The following AFF3 variants were observed in gnomAD, a reference collection of about 807,000 sequenced individuals.
The protein encoded by AFF3 is ALF transcription elongation factor 3.
AFF3 carries 32 observed loss-of-function variants against 129.7 expected under a neutral mutation model. That is an observed-to-expected ratio of 0.25 (90% CI 0.19 to 0.33). The LOEUF is 0.33. AFF3 is among the 10% of genes least tolerant of loss of function. The pLI, the probability that AFF3 is intolerant of heterozygous loss-of-function variation, is 1.00. For synonymous variants in AFF3, 644 were observed against 635.4 expected, an observed-to-expected ratio of 1.01 and a Z score of -0.20; for missense variants, 1,373 against 1,592.0, an observed-to-expected ratio of 0.86 and a Z score of 2.34.
chr2:100,027,101 GA>G (rs890903493), intron 4 of AFF3, among the ~76,000 whole-genome samples: 4 of 151,870 alleles, frequency 2.6e-5, no homozygotes, highest in Non-Finnish European at 2.9e-5. Context: ...AATAAACAGA[GA>G]AAAAAAGTGA....
intron 11 of AFF3, among the ~76,000 whole-genome samples, chr2:99,705,743 G>A (rs956513642): frequency 2.6e-5 from 4 of 151,660 alleles, no homozygotes; most frequent in African/African-American, 9.7e-5. Flanking sequence ...GCATGGTGAC[G>A]GGCACCTGTA....
intron 7 of AFF3, among the ~76,000 whole-genome samples, chr2:99,879,213 C>G (rs1692515955): frequency 6.6e-6 from 1 of 152,200 alleles, no homozygotes; most frequent in Non-Finnish European, 1.5e-5. Context: ...TCAGTGACGT[C>G]CCTACACAGT....
At chr2:99,613,288 C>G (rs1046706366) in intron 13 of AFF3, among the ~76,000 whole-genome samples, 7 of 152,028 alleles carry the variant, frequency 4.6e-5, no homozygotes, top group African/African-American at 1.7e-4. Context: ...TCATAGTGTT[C>G]TGGGAAACGT....
chr2:100,072,339 A>T (rs888520627), intron 4 of AFF3, among the ~76,000 whole-genome samples: 2 of 152,248 alleles, frequency 1.3e-5, no homozygotes, highest in Admixed American at 1.3e-4. Context: ...ATGCCTGAGG[A>T]TATGAGGTGG....
At chr2:99,989,301 A>T (rs376831155) in intron 7 of AFF3, among the ~76,000 whole-genome samples, 23 of 152,364 alleles carry the variant, frequency 1.5e-4, no homozygotes, top group African/African-American at 5.5e-4. Flanking sequence ...AGAAGAAGTC[A>T]TCTGAATAAA....
chr2:99,725,347 CTTT>C (rs2104985278), intron 11 of AFF3, among the ~76,000 whole-genome samples: 1 of 151,948 alleles, frequency 6.6e-6, no homozygotes, highest in East Asian at 1.9e-4. Context: ...AGGCAATAAA[CTTT>C]TTATTTTTTT....
At chr2:100,035,296 T>C (rs1295080171) in intron 4 of AFF3, among the ~76,000 whole-genome samples, 1 of 152,214 alleles carries the variant, frequency 6.6e-6, no homozygotes, top group Non-Finnish European at 1.5e-5. Flanking sequence ...GAGCCTTTTA[T>C]TATGCTAAAG....
intron 4 of AFF3, 24 bp downstream of exon 4, chr2:100,104,378 G>C: frequency 9.5e-7 from 1 of 1,056,254 alleles, no homozygotes; most frequent in Non-Finnish European, 1.2e-6. Context: ...CCGCCCGCCC[G>C]AAGCGGCCGG....
intron 8 of AFF3, among the ~76,000 whole-genome samples, chr2:99,786,707 A>T (rs1558849733): frequency 6.6e-6 from 1 of 152,212 alleles, no homozygotes; most frequent in African/African-American, 2.4e-5. Flanking sequence ...CTATAACTTC[A>T]AACTAATCCT....
intron 4 of AFF3, among the ~76,000 whole-genome samples, chr2:100,062,108 A>C (rs1187657797): frequency 6.6e-6 from 1 of 152,226 alleles, no homozygotes; most frequent in Non-Finnish European, 1.5e-5. Context: ...GACCAAGGTC[A>C]TCCTGCCCAA....
Position 99,550,734 on chromosome 2 carries a change from T to C in AFF3, c.*740A>G, listed in dbSNP as rs1288627696. The C allele has an allele frequency of 4.3e-6, 1 of 233,106 alleles. No homozygotes were observed. The highest frequency in any genetic ancestry group is 8.5e-6 in the Non-Finnish European group (1 of 118,088). 14.4% of individuals were successfully genotyped at this position (233,106 alleles called of 1,614,324 possible). A position where few individuals can be genotyped will look rare whatever the true frequency, so the allele number is the denominator to read the frequency against. Reference sequence around the variant, plus strand: ...ACGCCGCGTTTTTGCTAAATCTCAGTGCCATTTGCATACTACTTGGAGGTG... The same window carrying C: ...ACGCCGCGTTTTTGCTAAATCTCAGCGCCATTTGCATACTACTTGGAGGTG... On this transcript the variant is annotated 3_prime_UTR_variant, in exon 25 of 25. Coordinates refer to ENST00000672756, the MANE Select transcript of AFF3 (RefSeq NM_001386135.1).
chr2:99,697,392 C>G (rs76588670), intron 11 of AFF3, among the ~76,000 whole-genome samples: 2,940 of 152,256 alleles, frequency 0.019, 52 homozygotes, highest in Non-Finnish European at 0.034. Flanking sequence ...TTGTAGATAT[C>G]TTACTTTGAA....
intron 4 of AFF3, among the ~76,000 whole-genome samples, chr2:100,084,641 T>C (rs1411531549): frequency 6.6e-6 from 1 of 151,812 alleles, no homozygotes; most frequent in African/African-American, 2.4e-5. Context: ...CCTATAAAAA[T>C]GTGCACGTAT....
At chr2:100,004,180 C>G (rs1681723566) in intron 7 of AFF3, among the ~76,000 whole-genome samples, 2 of 152,108 alleles carry the variant, frequency 1.3e-5, no homozygotes. Flanking sequence ...CCTCAAAAAC[C>G]ATAGTCAAGT....
chr2:100,135,490 G>A (rs1467523252), intron 1 of AFF3, among the ~76,000 whole-genome samples: 1 of 152,166 alleles, frequency 6.6e-6, no homozygotes, highest in Admixed American at 6.5e-5. Context: ...GAAGCCCAAG[G>A]CACAGGGAGA....
At chr2:100,064,390 T>A (rs1287375119) in intron 4 of AFF3, among the ~76,000 whole-genome samples, 1 of 152,172 alleles carries the variant, frequency 6.6e-6, no homozygotes, top group African/African-American at 2.4e-5. Context: ...ATAATCTGGA[T>A]GGATGCCTAC....
Position 99,546,238 on chromosome 2 carries a change from T to C in AFF3, c.*5236A>G. On this transcript the variant is annotated 3_prime_UTR_variant, in exon 25 of 25. Transcript: ENST00000672756. ...CAGGCAAAGCTACAGAAGAGAACGT[T>C]CTTGAAAGACTGCTGGGTGTTTCTT... 4.3e-6 allele frequency: 1 copy of C among 232,362 alleles called. No homozygotes were observed. Among genetic ancestry groups the C allele is most frequent in the Non-Finnish European group, 8.5e-6 (1 of 117,488 alleles). The allele number at this position is 232,362 out of a possible 1,614,324, so 14.4% of individuals were successfully genotyped here. A position where few individuals can be genotyped will look rare whatever the true frequency, so the allele number is the denominator to read the frequency against.
At chr2:100,081,933 A>G (rs1218324033) in intron 4 of AFF3, among the ~76,000 whole-genome samples, 1 of 152,198 alleles carries the variant, frequency 6.6e-6, no homozygotes, top group Non-Finnish European at 1.5e-5. Flanking sequence ...CAGCCTCTGT[A>G]GAGGAATTAT....
intron 13 of AFF3, among the ~76,000 whole-genome samples, chr2:99,616,003 T>C (rs1450035802): frequency 6.6e-6 from 1 of 152,216 alleles, no homozygotes; most frequent in Non-Finnish European, 1.5e-5. Flanking sequence ...AGCTTCTTTC[T>C]AGCCCTAATC....
Sources: gnomAD v4.1 joint callset for allele counts (sites outside exome capture counted in the v4.1 genomes callset) on GRCh38, gnomAD v4.1.1 for gene constraint, MANE v1.5 for transcripts, NCBI Gene and HGNC (gene_info 2026-07-23, HGNC 2026-07-21) for gene names.